The following CEMIP variants were observed in gnomAD, a reference collection of about 807,000 sequenced individuals.
CEMIP encodes cell migration inducing hyaluronidase 1.
CEMIP carries 105 observed loss-of-function variants against 156.9 expected under a neutral mutation model. The observed-to-expected ratio is 0.67, with a 90% CI of 0.57 to 0.79. The LOEUF (loss-of-function observed/expected upper bound fraction) is 0.79, where lower values mean the gene tolerates loss of function less well. Ranked by LOEUF, CEMIP falls within the 30% of genes least tolerant of loss-of-function variation. The probability of loss-of-function intolerance (pLI) is 0.00; values close to 1 mark genes in which losing one functional copy is unlikely to be tolerated. For missense variants in CEMIP, 1,457 were observed against 1,769.4 expected (o/e 0.82, Z 3.17); for synonymous variants, 676 against 668.4 (o/e 1.01, Z -0.17).
chr15:80,803,704 C>G (rs1044987461), intron 1 of CEMIP, among the ~76,000 whole-genome samples: 1 of 152,202 alleles, frequency 6.6e-6, no homozygotes, highest in Non-Finnish European at 1.5e-5. Context: ...AACGGTTCTA[C>G]AGACACATAG....
chr15:80,887,187 GA>G (rs1380344295), intron 7 of CEMIP, among the ~76,000 whole-genome samples: 3 of 152,138 alleles, frequency 2.0e-5, no homozygotes, highest in Non-Finnish European at 4.4e-5. Flanking sequence ...CCATTAAGAA[GA>G]AGAGAGATTT....
rs147617091 is a variant in CEMIP at position 80,883,594 on chromosome 15, G to T, written c.618-581G>T. Among the ~76,000 whole-genome samples, 1,491 of 152,260 alleles carry T rather than the reference G, an allele frequency of 9.8e-3. 34 individuals are homozygous for T. Among genetic ancestry groups the T allele is most frequent in the African/African-American group, 0.034 (1,426 of 41,542 alleles). On this transcript the variant is annotated intron_variant, in intron 6 of 29. Coordinates refer to ENST00000394685, the MANE Select transcript of CEMIP (RefSeq NM_001293298.2). Reference sequence around the variant, plus strand: ...AGAGATTACATTTTAATGATTCTAAGATGCATTATCATAAGAATCATTAAC... The same window carrying T: ...AGAGATTACATTTTAATGATTCTAATATGCATTATCATAAGAATCATTAAC...
chr15:80,899,677 T>G (rs905330411), intron 12 of CEMIP, among the ~76,000 whole-genome samples: 7 of 152,100 alleles, frequency 4.6e-5, no homozygotes, highest in African/African-American at 1.7e-4. Context: ...ATGGTGCAGT[T>G]AAGGGCTTTA....
intron 1 of CEMIP, among the ~76,000 whole-genome samples, chr15:80,822,331 G>A (rs572513651): frequency 2.0e-5 from 3 of 152,326 alleles, no homozygotes; most frequent in African/African-American, 7.2e-5. Context: ...CTTGCAGGAA[G>A]TGAGGGTGAT....
chr15:80,827,378 A>C (rs1433155763), intron 1 of CEMIP, among the ~76,000 whole-genome samples: 1 of 152,140 alleles, frequency 6.6e-6, no homozygotes, highest in Non-Finnish European at 1.5e-5. Context: ...AGCATGTTAA[A>C]CTTCCTGAAG....
intron 1 of CEMIP, among the ~76,000 whole-genome samples, chr15:80,804,626 T>C: frequency 6.6e-6 from 1 of 152,198 alleles, no homozygotes; most frequent in Non-Finnish European, 1.5e-5. Flanking sequence ...AGGAGAGGTT[T>C]CCATGCAGGA....
At chr15:80,909,349 G>A (rs747742926) in intron 14 of CEMIP, 43 bp downstream of exon 14, 1 of 1,595,198 alleles carries the variant, frequency 6.3e-7, no homozygotes, top group East Asian at 2.2e-5. Flanking sequence ...GATGGGCCAT[G>A]GATGGTTAGC....
chr15:80,830,006 G>GCGCT (rs1224267049), intron 1 of CEMIP, among the ~76,000 whole-genome samples: 2 of 76,238 alleles, frequency 2.6e-5, no homozygotes, highest in African/African-American at 9.9e-5. Flanking sequence ...GTGTGTGCGC[G>GCGCT]CATGTCCTTC....
At chr15:80,794,960 G>A (rs1190828421) in intron 1 of CEMIP, among the ~76,000 whole-genome samples, 6 of 152,148 alleles carry the variant, frequency 3.9e-5, no homozygotes, top group Admixed American at 3.3e-4. Context: ...GCAGAGCCTA[G>A]GAGGATAGTG....
chr15:80,884,829 G>A (rs1447799243), intron 7 of CEMIP, among the ~76,000 whole-genome samples: 1 of 152,204 alleles, frequency 6.6e-6, no homozygotes, highest in African/African-American at 2.4e-5. Flanking sequence ...TTGGAGTGCA[G>A]CATCATGCCT....
Position 80,845,099 on chromosome 15 carries a change from T to G in CEMIP, c.-175-28439T>G, listed in dbSNP as rs566092509. On this transcript the variant is annotated intron_variant, in intron 1 of 29. Coordinates refer to ENST00000394685, the MANE Select transcript of CEMIP (RefSeq NM_001293298.2). ...AAGCTAAATTGTTCTGCATAACCAGTAATTTGACAATTATTTATTGGGGGA... is the reference window on the plus strand; with the variant it reads ...AAGCTAAATTGTTCTGCATAACCAGGAATTTGACAATTATTTATTGGGGGA... Among the ~76,000 whole-genome samples the G allele has an allele frequency of 5.9e-5, 9 of 152,322 alleles. No homozygotes were observed. The South Asian group carries it at 1.9e-3, about 32-fold the overall frequency.
intron 1 of CEMIP, among the ~76,000 whole-genome samples, chr15:80,830,534 C>T (rs1422892500): frequency 1.3e-5 from 2 of 152,150 alleles, no homozygotes; most frequent in Non-Finnish European, 1.5e-5. Context: ...GATCAACCTT[C>T]CTATCCCCTC....
At chr15:80,822,099 C>T (rs1896923205) in intron 1 of CEMIP, among the ~76,000 whole-genome samples, 2 of 152,210 alleles carry the variant, frequency 1.3e-5, no homozygotes, top group South Asian at 4.1e-4. Flanking sequence ...TCTGACAGCC[C>T]CTGAAGCCAT....
In CEMIP at chr15:80,895,878, A is replaced by T; in HGVS notation, c.1229A>T (p.Lys410Ile). The T allele has an allele frequency of 6.2e-7, 1 of 1,614,142 alleles. No individual in the cohort carries two copies. The highest frequency in any genetic ancestry group is 8.5e-7 in the Non-Finnish European group (1 of 1,180,010). Residue 410 changes from lysine (K) to isoleucine (I), a missense_variant, in exon 12 of 30, where the codon AAA (lysine) becomes ATA (isoleucine). By Grantham distance (102) the Lys-to-Ile change is moderately radical. This residue lies in a region of CEMIP where 280 missense variants were observed against 300.3 expected (regional missense o/e 0.93). Transcript: ENST00000394685. ...CTGTTTTGGGTTACAGTGAGGCCCA[A>T]ACTCACAGTCACCATTGACACCAAT... is the stretch of plus-strand genomic sequence containing the variant. ...RFLCGKPVRP[K>I]LTVTIDTNVN... is the part of the protein sequence containing the mutation.
At chr15:80,796,022 G>T (rs1896214645) in intron 1 of CEMIP, among the ~76,000 whole-genome samples, 1 of 152,182 alleles carries the variant, frequency 6.6e-6, no homozygotes, top group Non-Finnish European at 1.5e-5. Context: ...GTAACACACA[G>T]CTTGTACCAG....
At chr15:80,910,589 C>A (rs1200922310) in intron 14 of CEMIP, among the ~76,000 whole-genome samples, 1 of 152,152 alleles carries the variant, frequency 6.6e-6, no homozygotes, top group Non-Finnish European at 1.5e-5. Flanking sequence ...GATTTAAAAC[C>A]TCCCACTGAG....
chr15:80,878,662 G>A, intron 3 of CEMIP, 59 bp from the exon 4 acceptor site: 1 of 1,611,890 alleles, frequency 6.2e-7, no homozygotes, highest in Non-Finnish European at 8.5e-7. Context: ...TTGGCCTGTA[G>A]CATTCTTGCT....
rs536582900 is a variant in CEMIP at position 80,881,214 on chromosome 15, G to A, written c.617+78G>A. On this transcript the variant is annotated intron_variant, in intron 6 of 29. Transcript: ENST00000394685. ...TGAGTGTGCTCCCTGGCCAGGTGCC[G>A]CTCTAGGTGCTGGGAGAACAGCAGT... 93 of 1,243,864 alleles carry A rather than the reference G, an allele frequency of 7.5e-5. 2 individuals are homozygous for A. The highest frequency in any genetic ancestry group is 4.2e-4 in the South Asian group (35 of 83,130). The allele number at this position is 1,243,864 out of a possible 1,614,324, so 77.1% of individuals were successfully genotyped here. A position where few individuals can be genotyped will look rare whatever the true frequency, so the allele number is the denominator to read the frequency against.
chr15:80,829,965 G>GGGGT (rs1555428874), intron 1 of CEMIP, among the ~76,000 whole-genome samples: 11 of 133,792 alleles, frequency 8.2e-5, no homozygotes, highest in Admixed American at 3.0e-4. Context: ...GGAGGTAGCG[G>GGGGT]GTGTGTGTGT....
Sources: allele counts gnomAD v4.1 joint callset (sites outside exome capture counted in the v4.1 genomes callset), GRCh38; gene constraint gnomAD v4.1.1; regional missense constraint gnomAD v4.1.1; transcripts MANE v1.5; gene names NCBI Gene and HGNC (gene_info 2026-07-23, HGNC 2026-07-21).